Variants in IRX6 observed in about 807,000 individuals in gnomAD.
IRX6 encodes iroquois homeobox 6.
A neutral mutation model predicts 47.7 loss-of-function variants in IRX6; 46 were observed. The observed-to-expected ratio is 0.96, with a 90% CI of 0.76 to 1.23. IRX6 has a LOEUF of 1.23. Among genes scored for constraint, IRX6 ranks in the 50% most tolerant of loss-of-function variants. The pLI is 0.00. For missense variants in IRX6, 722 were observed against 588.0 expected, an observed-to-expected ratio of 1.23 and a Z score of -2.36; for synonymous variants, 265 against 246.2, an observed-to-expected ratio of 1.08 and a Z score of -0.72.
In IRX6 at chr16:55,330,571, G is replaced by T. The variant is rs1960624876; in HGVS notation, c.*266G>T. The T allele has an allele frequency of 5.4e-6, 3 of 554,672 alleles. No individual in the cohort carries two copies. The highest frequency in any genetic ancestry group is 9.7e-6 in the Non-Finnish European group (3 of 310,250). 34.4% of individuals were successfully genotyped at this position (554,672 alleles called of 1,614,324 possible). ...AGGCTGGGAGGCTGCCCCACCCACCGACTCTACCAAGTCTCTCTTCCTCCT... is the reference window on the plus strand; with the variant it reads ...AGGCTGGGAGGCTGCCCCACCCACCTACTCTACCAAGTCTCTCTTCCTCCT... On this transcript the variant is annotated 3_prime_UTR_variant, in exon 6 of 6. Coordinates refer to ENST00000290552, the MANE Select transcript of IRX6 (RefSeq NM_024335.3).
chr16:55,327,621 G>T lies in IRX6; in HGVS notation c.449G>T (p.Arg150Leu). 6.2e-7 allele frequency: 1 copy of T among 1,609,462 alleles called. No homozygotes were observed. The highest frequency in any genetic ancestry group is 8.5e-7 in the Non-Finnish European group (1 of 1,178,566). Residue 150 changes from arginine to leucine, a missense_variant, in exon 4 of 6, where the codon CGA becomes CTA. Coordinates refer to ENST00000290552, the MANE Select transcript of IRX6 (RefSeq NM_024335.3). ...GTGGAATTGAGTGGCGCCGGTCGCC[G>T]AAAGAACGCGACCCGGGAGACCACC... ...GAVELSGAGR[R>L]KNATRETTST...
rs374929016 is a variant in IRX6 at position 55,326,347 on chromosome 16, G to T, written c.57G>T (p.Ser19=). 4 of 1,612,870 alleles carry T rather than the reference G, an allele frequency of 2.5e-6. No individual in the cohort carries two copies. In the East Asian group the frequency reaches 8.9e-5, roughly 36 times the overall value. Reference sequence around the variant, plus strand: ...TCTTGCCCCTATAGTTTCTGGCGTCGGCAAGTTCCAGCACCACATGCTGCG... The same window carrying T: ...TCTTGCCCCTATAGTTTCTGGCGTCTGCAAGTTCCAGCACCACATGCTGCG... ...PYRGASQFLA[S]ASSSTTCCES... is the part of the protein sequence containing the mutation. Residue 19 remains serine, a synonymous_variant, in exon 2 of 6, where the codon TCG becomes TCT. Coordinates refer to ENST00000290552, the MANE Select transcript of IRX6 (RefSeq NM_024335.3).
chr16:55,329,137 G>A lies in IRX6; in HGVS notation c.1159G>A (p.Ala387Thr), dbSNP rs775643633. 6.2e-7 allele frequency: 1 copy of A among 1,614,138 alleles called. No homozygotes were observed. Among genetic ancestry groups the A allele is most frequent in the East Asian group, 2.2e-5 (1 of 44,868 alleles). Residue 387 changes from alanine to threonine, a missense_variant, in exon 5 of 6, where the codon GCC (alanine) becomes ACC (threonine). Physicochemically the swap from Ala to Thr is moderately conservative, Grantham distance 58 (BLOSUM62 0). Coordinates refer to ENST00000290552, the MANE Select transcript of IRX6 (RefSeq NM_024335.3). Reference sequence around the variant, plus strand: ...CCGTATGATTCCTGGACAGCCTCCTGCCTCTGCCCGGCGACTCTCAGTCCC... The same window carrying A: ...CCGTATGATTCCTGGACAGCCTCCTACCTCTGCCCGGCGACTCTCAGTCCC... ...ECRMIPGQPP[A>T]SARRLSVPRD... is the part of the protein sequence containing the mutation.
At chr16:55,325,483 G>T (rs1335209683) in intron 1 of IRX6, among the ~76,000 whole-genome samples, 1 of 15,226 alleles carries the variant, frequency 6.6e-5, no homozygotes, top group South Asian at 4.9e-3. Context: ...AAGAAATAAG[G>T]AAGGAAGGAA....
In IRX6 at chr16:55,329,620, C is replaced by T. The variant is rs550112775; in HGVS notation, c.1333+309C>T. Among the ~76,000 whole-genome samples the T allele has an allele frequency of 2.6e-5, 4 of 152,300 alleles. No homozygotes were observed. The South Asian group carries it at 8.3e-4, about 32-fold the overall frequency. On this transcript the variant is annotated intron_variant, in intron 5 of 5. Transcript: ENST00000290552. ...GTGGTCCAGTGTACTGCCAAATCCA[C>T]CAGGTGTGCATCACCATGCTCCTCT...
chr16:55,329,890 CA>C (rs1380896995), intron 5 of IRX6, among the ~76,000 whole-genome samples: 2 of 152,322 alleles, frequency 1.3e-5, no homozygotes, highest in East Asian at 3.9e-4. Context: ...CTTCAGGCCC[CA>C]GATTGGTACT....
At chr16:55,328,616 T>A in intron 4 of IRX6, 84 bp from the exon 5 acceptor site, 1 of 1,431,904 alleles carries the variant, frequency 7.0e-7, no homozygotes, top group Non-Finnish European at 9.6e-7. Flanking sequence ...GGGCGCTTCT[T>A]GCTAAAAGCT....
At chr16:55,329,438 G>A in intron 5 of IRX6, 127 bp downstream of exon 5, 1 of 1,196,966 alleles carries the variant, frequency 8.4e-7, no homozygotes, top group Non-Finnish European at 1.1e-6. Flanking sequence ...ACGGGAGATT[G>A]CTTTACAGCG....
At chr16:55,328,182 C>T (rs1480675719) in intron 4 of IRX6, among the ~76,000 whole-genome samples, 1 of 152,140 alleles carries the variant, frequency 6.6e-6, no homozygotes, top group East Asian at 1.9e-4. Context: ...GTTTGGATTT[C>T]CTTTGCCATA....
Position 55,327,758 on chromosome 16 carries a change from T to C in IRX6, c.586T>C (p.Trp196Arg), listed in dbSNP as rs756934762. 1 of 1,612,506 alleles carries C rather than the reference T, an allele frequency of 6.2e-7. No individual in the cohort carries two copies. The highest frequency in any genetic ancestry group is 8.5e-7 in the Non-Finnish European group (1 of 1,179,934). The change falls in exon 4 of 6, where the codon TGG (tryptophan) becomes CGG (arginine). Residue 196 changes from tryptophan to arginine, a missense_variant. By Grantham distance (101) the Trp-to-Arg change is moderately radical (BLOSUM62 -3). Transcript: ENST00000290552. ...TKMTLTQVST[W>R]FANARRRLKK... ...GATGACCCTCACCCAGGTGTCCACCTGGTTCGCCAACGCACGCCGGCGCCT... is the reference window on the plus strand; with the variant it reads ...GATGACCCTCACCCAGGTGTCCACCCGGTTCGCCAACGCACGCCGGCGCCT...
chr16:55,326,968 G>GGT, intron 2 of IRX6: 1 of 175,960 alleles, frequency 5.7e-6, no homozygotes. Flanking sequence ...GCGGGGGGTG[G>GGT]GGGGCAGTAA....
rs199881863 is a variant in IRX6, at chr16:55,328,811, C to T, written c.833C>T (p.Ala278Val). The T allele has an allele frequency of 1.2e-5, 20 of 1,613,202 alleles. No homozygotes were observed. Among genetic ancestry groups the T allele is most frequent in the Admixed American group, 1.7e-5 (1 of 60,030 alleles). Reference sequence around the variant, plus strand: ...GAAGACGAGGAGGTAGTGGCCACAGCTGGGGACAGGCTGACGGAGTTCCGA... The same window carrying T: ...GAAGACGAGGAGGTAGTGGCCACAGTTGGGGACAGGCTGACGGAGTTCCGA... ...EAEDEEVVAT[A>V]GDRLTEFRKG... The change falls in exon 5 of 6, where the codon GCT becomes GTT. Residue 278 changes from alanine (A) to valine (V), a missense_variant. Transcript: ENST00000290552.
chr16:55,325,535 G>A (rs1006621826), intron 1 of IRX6, among the ~76,000 whole-genome samples: 7,490 of 55,764 alleles, frequency 0.13, 3,046 homozygotes, highest in East Asian at 0.31. Context: ...AGGAAGGAGA[G>A]AGAGAGAGAG....
rs1009878948 is a variant in IRX6, at chr16:55,330,477, G to A, written c.*172G>A. Reference sequence around the variant, plus strand: ...CTGTCCTTGCACGCAGAGCTGGGGTGGTGGGCCGACTTGAACCTTAGCAGT... The same window carrying A: ...CTGTCCTTGCACGCAGAGCTGGGGTAGTGGGCCGACTTGAACCTTAGCAGT... On this transcript the variant is annotated 3_prime_UTR_variant, in exon 6 of 6. Transcript: ENST00000290552. 5 of 688,498 alleles carry A rather than the reference G, an allele frequency of 7.3e-6. No homozygotes were observed. The highest frequency in any genetic ancestry group is 3.6e-5 in the African/African-American group (2 of 56,114). The allele number at this position is 688,498 out of a possible 1,614,324, so 42.6% of individuals were successfully genotyped here. A position where few individuals can be genotyped will look rare whatever the true frequency, so the allele number is the denominator to read the frequency against.
In IRX6 at chr16:55,327,548, T is replaced by C. The variant is rs1294553651; in HGVS notation, c.414-38T>C. On this transcript the variant is annotated intron_variant, in intron 3 of 5. Coordinates refer to ENST00000290552, the MANE Select transcript of IRX6 (RefSeq NM_024335.3). ...ACTGTCCTCTGCCTGCAGTTCCTTG[T>C]TCCTCTTCTATAATGTGAGCCAGGT... 6 of 1,579,670 alleles carry C rather than the reference T, an allele frequency of 3.8e-6. No individual in the cohort carries two copies. The Admixed American group carries it at 1.1e-4, about 28-fold the overall frequency.
Position 55,325,478 on chromosome 16 carries a change from ATAAG to A in IRX6, c.45+343_45+346del, listed in dbSNP as rs1288807271. Among the ~76,000 whole-genome samples the A allele has an allele frequency of 5.2e-3, 137 of 26,306 alleles. 9 individuals carry two copies. Among genetic ancestry groups the A allele is most frequent in the African/African-American group, 0.039 (123 of 3,144 alleles). The allele number at this position is 26,306 out of a possible 152,430, so 17.3% of individuals were successfully genotyped here. ...AGAAAGAAAGAAAAGAAAGAAAGAA[ATAAG>A]GAAGGAAGGAAGGAAGGAAGGAAGG... On this transcript the variant is annotated intron_variant, in intron 1 of 5. Coordinates refer to ENST00000290552, the MANE Select transcript of IRX6 (RefSeq NM_024335.3).
chr16:55,324,576 G>T lies in IRX6; in HGVS notation c.-516G>T. The stretch of plus-strand genomic sequence containing the variant: ...AGCAGAGAGGGTCAGGGTTTTTGAC[G>T]TTCCTCGCCAGCTGCACAAACCTCC... On this transcript the variant is annotated 5_prime_UTR_variant, in exon 1 of 6. Coordinates refer to ENST00000290552, the MANE Select transcript of IRX6 (RefSeq NM_024335.3). The surrounding 1 kb of genome is among the most constrained non-coding windows in gnomAD (Gnocchi z 4.4). 1 of 159,596 alleles carries T rather than the reference G, an allele frequency of 6.3e-6. No individual in the cohort carries two copies. The allele number at this position is 159,596 out of a possible 1,614,324, so 9.9% of individuals were successfully genotyped here.
In IRX6 at chr16:55,324,983, A is replaced by T. The variant is rs1028858227; in HGVS notation, c.-109A>T. The T allele has an allele frequency of 1.7e-6, 2 of 1,185,884 alleles. No homozygotes were observed. Among genetic ancestry groups the T allele is most frequent in the African/African-American group, 1.5e-5 (1 of 66,684 alleles). The allele number at this position is 1,185,884 out of a possible 1,614,324, so 73.5% of individuals were successfully genotyped here. A position where few individuals can be genotyped will look rare whatever the true frequency, so the allele number is the denominator to read the frequency against. On this transcript the variant is annotated 5_prime_UTR_variant, in exon 1 of 6. Coordinates refer to ENST00000290552, the MANE Select transcript of IRX6 (RefSeq NM_024335.3). The surrounding 1 kb of genome is among the most constrained non-coding windows in gnomAD (Gnocchi z 4.4). ...CCAGGCGAAGGAACCGGCGCTGGGC[A>T]TCCGCAGCGGTGTAAGGAACTGAGA...
At position 55,330,451 on chromosome 16, in the gene IRX6, G is replaced by C. The variant is rs1466647872; in HGVS notation, c.*146G>C. The C allele has an allele frequency of 9.9e-6, 8 of 805,258 alleles. No individual in the cohort carries two copies. Among genetic ancestry groups the C allele is most frequent in the Admixed American group, 1.9e-5 (1 of 52,124 alleles). 49.9% of individuals were successfully genotyped at this position (805,258 alleles called of 1,614,324 possible). A position where few individuals can be genotyped will look rare whatever the true frequency, so the allele number is the denominator to read the frequency against. On this transcript the variant is annotated 3_prime_UTR_variant, in exon 6 of 6. Coordinates refer to ENST00000290552, the MANE Select transcript of IRX6 (RefSeq NM_024335.3). ...CAGACACACAGAAACCCTCCTAGCA[G>C]CTGTCCTTGCACGCAGAGCTGGGGT... is the stretch of plus-strand genomic sequence containing the variant.
Sources: gnomAD v4.1 joint callset for allele counts (sites outside exome capture counted in the v4.1 genomes callset) on GRCh38, gnomAD v4.1.1 for gene constraint, Gnocchi (gnomAD v3.1) non-coding constraint, MANE v1.5 for transcripts, NCBI Gene and HGNC (gene_info 2026-07-23, HGNC 2026-07-21) for gene names.